The following ZNF236 variants were observed in gnomAD, a reference collection of about 807,000 sequenced individuals.
ZNF236 encodes the protein zinc finger protein 236.
In ZNF236, 50 loss-of-function variants were observed where a neutral mutation model predicts 191.2. That is an observed-to-expected ratio of 0.26 (90% CI 0.21 to 0.33). ZNF236 has a LOEUF of 0.33. Ranked by LOEUF, ZNF236 falls within the 10% of genes least tolerant of loss-of-function variation. The probability of loss-of-function intolerance (pLI) is 1.00; values close to 1 mark genes in which losing one functional copy is unlikely to be tolerated. For synonymous variants in ZNF236, 907 were observed against 928.8 expected (o/e 0.98, Z 0.43); for missense variants, 1,754 against 2,374.5 (o/e 0.74, Z 5.43).
At chr18:76,830,965 T>C (rs1975153691) in intron 1 of ZNF236, among the ~76,000 whole-genome samples, 1 of 152,222 alleles carries the variant, frequency 6.6e-6, no homozygotes, top group Non-Finnish European at 1.5e-5. Context: ...TTACCCAAAA[T>C]TGAGCAGATA....
At position 76,927,501 on chromosome 18, in the gene ZNF236, G is replaced by T; in HGVS notation, c.4398G>T (p.Leu1466=). 6.2e-7 allele frequency: 1 copy of T among 1,613,978 alleles called. No individual in the cohort carries two copies. The highest frequency in any genetic ancestry group is 1.1e-5 in the South Asian group (1 of 91,046). The part of the protein sequence containing the change: ...IGPLSEQDSV[L]TTNSSGTQDL... ...CGCTGTCTGAGCAGGATTCAGTGCT[G>T]ACCACTAACAGCAGTGGTAAGAGCC... The change falls in exon 24 of 31, where the codon CTG becomes CTT. Residue 1466 remains leucine (L), a synonymous_variant. Coordinates refer to ENST00000320610, the MANE Select transcript of ZNF236 (RefSeq NM_001306089.2). The surrounding 1 kb of genome is among the most constrained non-coding windows in gnomAD (Gnocchi z 5.4).
chr18:76,961,784 A>G (rs1017194243), intron 30 of ZNF236, among the ~76,000 whole-genome samples: 3 of 151,480 alleles, frequency 2.0e-5, no homozygotes, highest in Non-Finnish European at 4.4e-5. Context: ...ATGGTATCAC[A>G]TTGTGGTTTT....
chr18:76,881,422 G>A lies in ZNF236; in HGVS notation c.1327G>A (p.Asp443Asn). ...SVSNEQTDPTDAEQEKEQESP... is the reference protein window; with the variant it reads ...SVSNEQTDPTNAEQEKEQESP... The stretch of plus-strand genomic sequence containing the variant: ...TTCAAATGAGCAGACGGACCCCACA[G>A]ACGCAGAGCAAGAAAAAGAACAGGA... The change falls in exon 9 of 31, where the codon GAC becomes AAC. Residue 443 changes from aspartate (D) to asparagine (N), a missense_variant. By Grantham distance (23) the Asp-to-Asn change is conservative. Transcript: ENST00000320610. The A allele has an allele frequency of 6.2e-7, 1 of 1,613,844 alleles. No individual in the cohort carries two copies. The highest frequency in any genetic ancestry group is 8.5e-7 in the Non-Finnish European group (1 of 1,179,996).
chr18:76,964,856 G>A (rs1324817121), intron 30 of ZNF236, among the ~76,000 whole-genome samples: 2 of 152,086 alleles, frequency 1.3e-5, no homozygotes, highest in African/African-American at 2.4e-5. Context: ...ATGACAATGC[G>A]ACTAAGCAAT....
intron 3 of ZNF236, among the ~76,000 whole-genome samples, chr18:76,856,648 T>A (rs1421256384): frequency 1.3e-5 from 2 of 149,172 alleles, no homozygotes; most frequent in Non-Finnish European, 3.0e-5. Flanking sequence ...AATTAAGTAA[T>A]TTTTTTTTGC....
chr18:76,848,413 A>G (rs1019251604), intron 1 of ZNF236, among the ~76,000 whole-genome samples: 36 of 152,206 alleles, frequency 2.4e-4, no homozygotes, highest in Non-Finnish European at 8.8e-5. Flanking sequence ...CCAAATTATA[A>G]CACTTGAAGT....
intron 3 of ZNF236, among the ~76,000 whole-genome samples, chr18:76,857,092 T>TC (rs1199738040): frequency 1.3e-5 from 2 of 151,842 alleles, no homozygotes; most frequent in African/African-American, 2.4e-5. Context: ...CTTCCCCATG[T>TC]CCCCCCAGTT....
intron 26 of ZNF236, among the ~76,000 whole-genome samples, chr18:76,940,923 A>G (rs1390672567): frequency 6.6e-6 from 1 of 152,318 alleles, no homozygotes. Context: ...GGGGCATTAC[A>G]TTCTCAAAGG....
At chr18:76,847,688 C>G (rs924257757) in intron 1 of ZNF236, among the ~76,000 whole-genome samples, 1 of 152,122 alleles carries the variant, frequency 6.6e-6, no homozygotes, top group Non-Finnish European at 1.5e-5. Context: ...CCAGGATGGT[C>G]TTGATCTCCT....
At chr18:76,920,945 G>T (rs17060093) in intron 20 of ZNF236, among the ~76,000 whole-genome samples, 4,898 of 152,316 alleles carry the variant, frequency 0.032, 260 homozygotes, top group African/African-American at 0.11. Flanking sequence ...AAGTGTTTCT[G>T]TATATAACAG....
intron 30 of ZNF236, among the ~76,000 whole-genome samples, chr18:76,964,855 C>T (rs376461481): frequency 6.6e-5 from 10 of 152,112 alleles, no homozygotes; most frequent in African/African-American, 1.4e-4. Flanking sequence ...GATGACAATG[C>T]GACTAAGCAA....
At chr18:76,861,928 G>A (rs936705582) in intron 3 of ZNF236, among the ~76,000 whole-genome samples, 2 of 152,118 alleles carry the variant, frequency 1.3e-5, no homozygotes, top group Admixed American at 6.5e-5. Context: ...GCAGTGGTGC[G>A]ATCCAGCTCA....
At chr18:76,894,943 AC>A in intron 9 of ZNF236, 69 bp from the exon 10 acceptor site, 3 of 1,570,008 alleles carry the variant, frequency 1.9e-6, no homozygotes, top group Non-Finnish European at 2.6e-6. Context: ...TGTGGGGACC[AC>A]AGGGGGTCCT....
At chr18:76,888,576 A>G (rs1328381702) in intron 9 of ZNF236, 3 of 152,328 alleles carry the variant, frequency 2.0e-5, no homozygotes, top group African/African-American at 7.2e-5. Flanking sequence ...GAAAGCAGAA[A>G]GACTTTGTGT....
At chr18:76,935,426 A>G (rs1310859334) in intron 25 of ZNF236, among the ~76,000 whole-genome samples, 1 of 152,096 alleles carries the variant, frequency 6.6e-6, no homozygotes, top group African/African-American at 2.4e-5. Flanking sequence ...ATCTTTTTAC[A>G]TTTTTCATGC....
At chr18:76,862,786 A>C (rs1227505442) in intron 3 of ZNF236, among the ~76,000 whole-genome samples, 2 of 152,204 alleles carry the variant, frequency 1.3e-5, no homozygotes, top group Non-Finnish European at 2.9e-5. Flanking sequence ...TGAACAGGGC[A>C]GCTGCTGCTC....
intron 3 of ZNF236, among the ~76,000 whole-genome samples, chr18:76,853,896 G>A (rs975955247): frequency 2.0e-5 from 3 of 151,870 alleles, no homozygotes; most frequent in African/African-American, 7.3e-5. Context: ...TATAATCCCA[G>A]CTACTCCGGA....
chr18:76,860,918 C>T (rs1332248818), intron 3 of ZNF236, among the ~76,000 whole-genome samples: 1 of 152,154 alleles, frequency 6.6e-6, no homozygotes, highest in African/African-American at 2.4e-5. Flanking sequence ...GGGGAAGAGT[C>T]ATGGAAGAGG....
intron 1 of ZNF236, chr18:76,834,517 AT>A: frequency 2.1e-6 from 1 of 481,134 alleles, no homozygotes; most frequent in Non-Finnish European, 4.0e-6. Flanking sequence ...TTCAAGGAGC[AT>A]TTTGCGGTCT....
Sources: gnomAD v4.1 joint callset for allele counts (sites outside exome capture counted in the v4.1 genomes callset) on GRCh38, gnomAD v4.1.1 for gene constraint, Gnocchi (gnomAD v3.1) non-coding constraint, MANE v1.5 for transcripts, NCBI Gene and HGNC (gene_info 2026-07-23, HGNC 2026-07-21) for gene names.